The following OPRPN variants were observed in gnomAD, a reference collection of about 807,000 sequenced individuals.
OPRPN encodes the protein basic proline-rich lacrimal protein.
In OPRPN, 1 loss-of-function variant was observed where a neutral mutation model predicts 2.2. The ratio of observed to expected loss-of-function variants is 0.45; its 90% CI spans 0.16 to 2.15. OPRPN has a LOEUF of 2.15. Ranked by LOEUF, OPRPN falls within the 30% of genes most tolerant of loss-of-function variation. OPRPN has a pLI of 0.28. For missense variants in OPRPN, 306 were observed against 297.3 expected (o/e 1.03, Z -0.21); for synonymous variants, 126 against 111.5 (o/e 1.13, Z -0.82).
At chr4:70,403,659 T>C (rs1733027593) in intron 2 of OPRPN, among the ~76,000 whole-genome samples, 1 of 152,182 alleles carries the variant, frequency 6.6e-6, no homozygotes, top group South Asian at 2.1e-4. Context: ...TACTATTACT[T>C]TCTCTCTTTT....
chr4:70,404,329 T>G (rs1204300815), intron 2 of OPRPN, among the ~76,000 whole-genome samples: 1 of 152,086 alleles, frequency 6.6e-6, no homozygotes, highest in Non-Finnish European at 1.5e-5. Flanking sequence ...TCCAGACACA[T>G]CTCCTCTTCC....
rs1484914374 is a variant in OPRPN, at chr4:70,399,554, A to G, written c.51+218A>G. On this transcript the variant is annotated intron_variant, in intron 2 of 2. Coordinates refer to ENST00000399575, the MANE Select transcript of OPRPN (RefSeq NM_021225.5). The stretch of plus-strand genomic sequence containing the variant: ...TGAAGGGACAGTGGACTGCAGGAAG[A>G]GGACACAGGGCAGGTAGTATCTAGG... 1.1e-5 allele frequency: 5 copies of G among 453,970 alleles called. No individual in the cohort carries two copies. In the Admixed American group the frequency reaches 1.7e-4, roughly 16 times the overall value. 28.1% of individuals were successfully genotyped at this position (453,970 alleles called of 1,614,324 possible).
rs917607950 is a variant in OPRPN at position 70,409,798 on chromosome 4, C to T, written c.470C>T (p.Pro157Leu). 9 of 1,613,210 alleles carry T rather than the reference C, an allele frequency of 5.6e-6. No homozygotes were observed. Among genetic ancestry groups the T allele is most frequent in the Non-Finnish European group, 7.6e-6 (9 of 1,179,646 alleles). The change falls in exon 3 of 3, where the codon CCC (proline) becomes CTC (leucine). Residue 157 changes from proline to leucine, a missense_variant. Transcript: ENST00000399575. ...TTADTTITTN[P>L]PTTATATTST... ...GCAGATACAACAATCACCACAAATC[C>T]CCCCACCACTGCAACAGCAACCACC...
chr4:70,398,190 T>C (rs1407915671), intron 1 of OPRPN, 150 bp downstream of exon 1: 5 of 151,916 alleles, frequency 3.3e-5, no homozygotes, highest in African/African-American at 1.2e-4. Context: ...AAAATCATTG[T>C]CTGTGGTAAA....
chr4:70,401,132 T>C (rs1170771002), intron 2 of OPRPN, among the ~76,000 whole-genome samples: 2 of 152,022 alleles, frequency 1.3e-5, no homozygotes, highest in African/African-American at 4.8e-5. Flanking sequence ...GCAAGACAAA[T>C]GTAACTTAAA....
intron 2 of OPRPN, among the ~76,000 whole-genome samples, chr4:70,402,929 A>G (rs932445415): frequency 1.3e-5 from 2 of 152,116 alleles, no homozygotes; most frequent in African/African-American, 2.4e-5. Flanking sequence ...AGGCTGCATC[A>G]GGTCTCATGG....
chr4:70,408,681 A>G (rs982292048), intron 2 of OPRPN, among the ~76,000 whole-genome samples: 5 of 152,232 alleles, frequency 3.3e-5, no homozygotes, highest in African/African-American at 1.2e-4. Context: ...TTGAGGAGTG[A>G]GCAAACAGGC....
Position 70,410,093 on chromosome 4 carries a change from T to C in OPRPN, c.*18T>C. Reference sequence around the variant, plus strand: ...TTGGTTGAACATGCAATAAATGATATTTTCCAAACTGCTCTGATATCTTAG... The same window carrying C: ...TTGGTTGAACATGCAATAAATGATACTTTCCAAACTGCTCTGATATCTTAG... On this transcript the variant is annotated 3_prime_UTR_variant, in exon 3 of 3. Transcript: ENST00000399575. 1 of 1,494,768 alleles carries C rather than the reference T, an allele frequency of 6.7e-7. No individual in the cohort carries two copies. Among genetic ancestry groups the C allele is most frequent in the Non-Finnish European group, 9.0e-7 (1 of 1,109,810 alleles). The allele number at this position is 1,494,768 out of a possible 1,614,324, so 92.6% of individuals were successfully genotyped here. A position where few individuals can be genotyped will look rare whatever the true frequency, so the allele number is the denominator to read the frequency against.
At chr4:70,401,692 T>TTACCTG (rs1180632047) in intron 2 of OPRPN, among the ~76,000 whole-genome samples, 1 of 152,150 alleles carries the variant, frequency 6.6e-6, no homozygotes, top group African/African-American at 2.4e-5. Flanking sequence ...TTTCAGAGTC[T>TTACCTG]TACCTGTTCA....
Position 70,409,987 on chromosome 4 carries a change from C to T in OPRPN, c.659C>T (p.Thr220Ile). ...NRPHTVLLNA[T>I]VQVTTSNQTI... is the part of the protein sequence containing the mutation. ...CCTCACACAGTATTGCTCAATGCCA[C>T]TGTCCAAGTTACGACTTCCAACCAA... The change falls in exon 3 of 3, where the codon ACT (threonine) becomes ATT (isoleucine). Residue 220 changes from threonine (T) to isoleucine (I), a missense_variant. Coordinates refer to ENST00000399575, the MANE Select transcript of OPRPN (RefSeq NM_021225.5). 6.2e-7 allele frequency: 1 copy of T among 1,613,654 alleles called. No homozygotes were observed. The highest frequency in any genetic ancestry group is 8.5e-7 in the Non-Finnish European group (1 of 1,179,852).
chr4:70,398,968 C>T (rs1200870567), intron 1 of OPRPN, among the ~76,000 whole-genome samples: 3 of 151,584 alleles, frequency 2.0e-5, no homozygotes, highest in East Asian at 3.9e-4. Context: ...AAGTAGTCAC[C>T]ACTAAAGGCA....
At chr4:70,400,710 A>G (rs182570256) in intron 2 of OPRPN, among the ~76,000 whole-genome samples, 5 of 152,118 alleles carry the variant, frequency 3.3e-5, no homozygotes, top group Admixed American at 3.3e-4. Context: ...TTCAAGGTAA[A>G]TTCAACTTAA....
intron 2 of OPRPN, among the ~76,000 whole-genome samples, chr4:70,403,023 G>T (rs559738296): frequency 6.6e-6 from 1 of 151,972 alleles, no homozygotes; most frequent in African/African-American, 2.4e-5. Context: ...GAAAGATGCC[G>T]TCTCTTCCCA....
At chr4:70,404,361 T>G (rs1733043354) in intron 2 of OPRPN, among the ~76,000 whole-genome samples, 1 of 152,152 alleles carries the variant, frequency 6.6e-6, no homozygotes, top group Admixed American at 6.6e-5. Context: ...TGTCAGAGTC[T>G]CCCAGGACAC....
At chr4:70,407,141 T>A (rs1397909220) in intron 2 of OPRPN, among the ~76,000 whole-genome samples, 2 of 152,196 alleles carry the variant, frequency 1.3e-5, no homozygotes, top group Non-Finnish European at 2.9e-5. Context: ...TCTGTCTGGC[T>A]CCTCTCATCT....
intron 2 of OPRPN, among the ~76,000 whole-genome samples, chr4:70,405,968 TGAG>T (rs955672918): frequency 2.0e-5 from 3 of 151,892 alleles, no homozygotes; most frequent in Admixed American, 2.0e-4. Context: ...CTTGCGAGGC[TGAG>T]GTGGGAAGAT....
At chr4:70,398,438 A>T (rs1732905692) in intron 1 of OPRPN, among the ~76,000 whole-genome samples, 1 of 151,900 alleles carries the variant, frequency 6.6e-6, no homozygotes, top group African/African-American at 2.4e-5. Context: ...AAAACATATA[A>T]GAAAAAAGCT....
Position 70,409,657 on chromosome 4 carries a change from G to A in OPRPN, c.329G>A (p.Arg110Lys). 6.2e-7 allele frequency: 1 copy of A among 1,613,882 alleles called. No individual in the cohort carries two copies. The highest frequency in any genetic ancestry group is 8.5e-7 in the Non-Finnish European group (1 of 1,179,936). The change falls in exon 3 of 3, where the codon AGA becomes AAA. Residue 110 changes from arginine (R) to lysine (K), a missense_variant. Arg to Lys is a conservative substitution (Grantham distance 26). Coordinates refer to ENST00000399575, the MANE Select transcript of OPRPN (RefSeq NM_021225.5). ...PGYPNLHFPL[R>K]PYYVGPIRIL... ...TATCCAAACCTACATTTCCCACTAA[G>A]ACCTTACTATGTAGGACCTATTAGG...
chr4:70,409,459 G>A lies in OPRPN; in HGVS notation c.131G>A (p.Trp44Ter), dbSNP rs774553355. Residue 44 changes from tryptophan to a stop codon, truncating the protein, a stop_gained, in exon 3 of 3, where the codon TGG becomes TAG. Transcript: ENST00000399575. LOFTEE classifies it low-confidence loss of function (END_TRUNC). ...CCACCTCCACTCTACAGGCCAAGAT[G>A]GGTTCCACCAAGTCCCCCACCTCCC... ...LPPPPLYRPR[W>*]VPPSPPPPYD... 1 of 1,613,968 alleles carries A rather than the reference G, an allele frequency of 6.2e-7. No individual in the cohort carries two copies.
Sources: allele counts gnomAD v4.1 joint callset (sites outside exome capture counted in the v4.1 genomes callset), GRCh38; gene constraint gnomAD v4.1.1; transcripts MANE v1.5; gene names NCBI Gene and HGNC (gene_info 2026-07-23, HGNC 2026-07-21).